The following PRSS38 variants were observed in gnomAD, a reference collection of about 807,000 sequenced individuals.
The protein encoded by PRSS38 is marapsin 2.
In PRSS38, 22 loss-of-function variants were observed where a neutral mutation model predicts 26.8. The observed-to-expected ratio is 0.82, with a 90% CI of 0.59 to 1.17. The LOEUF (loss-of-function observed/expected upper bound fraction) is 1.17, where lower values mean the gene tolerates loss of function less well. PRSS38 is among the 50% of genes most tolerant of loss of function. The pLI, the probability that PRSS38 is intolerant of heterozygous loss-of-function variation, is 0.00. For missense variants in PRSS38, 427 were observed against 422.7 expected, an observed-to-expected ratio of 1.01 and a Z score of -0.09; for synonymous variants, 175 against 172.1, an observed-to-expected ratio of 1.02 and a Z score of -0.13.
In PRSS38 at chr1:227,816,199, C is replaced by A. The variant is rs775851463; in HGVS notation, c.258C>A (p.Gly86=). ...ACTACGCAGGCCTCCACGTCTGCGG[C>A]GGCTCCATCCTCAATGAGTACTGGG... Residue 86 remains glycine (G), a synonymous_variant, in exon 2 of 5, where the codon GGC becomes GGA. Transcript: ENST00000366757. This position sits in a 1 kb window ranked among gnomAD's most constrained non-coding sequence, Gnocchi z 5.1. The A allele has an allele frequency of 2.5e-6, 4 of 1,613,520 alleles. No individual in the cohort carries two copies. Among genetic ancestry groups the A allele is most frequent in the Non-Finnish European group, 2.5e-6 (3 of 1,179,832 alleles).
rs1387059586 is a variant in PRSS38, at chr1:227,834,821, T to C, written c.584-10649T>C. Among the ~76,000 whole-genome samples the C allele has an allele frequency of 2.0e-5, 3 of 152,180 alleles. No individual in the cohort carries two copies. In the East Asian group the frequency reaches 5.8e-4, roughly 29 times the overall value. ...CTCCAGCCTAGGTAGGTAACAGACC[T>C]AAATTGTCTCAAAAAAAATTGATAA... On this transcript the variant is annotated intron_variant, in intron 3 of 4. Transcript: ENST00000366757.
chr1:227,840,618 C>T (rs1665323844), intron 3 of PRSS38, among the ~76,000 whole-genome samples: 1 of 152,182 alleles, frequency 6.6e-6, no homozygotes. Context: ...GCTGAGATGG[C>T]CTGCAGAGCC....
At chr1:227,817,069 G>T in intron 2 of PRSS38, 140 bp from the exon 3 acceptor site, 1 of 894,394 alleles carries the variant, frequency 1.1e-6, no homozygotes, top group Non-Finnish European at 1.7e-6. Flanking sequence ...AGCCAGATAG[G>T]TCCCTACTAT....
At chr1:227,826,829 T>C (rs767628572) in intron 3 of PRSS38, among the ~76,000 whole-genome samples, 76 of 152,350 alleles carry the variant, frequency 5.0e-4, no homozygotes, top group Non-Finnish European at 8.8e-4. Flanking sequence ...GTTTGTCATA[T>C]ATGGCTCTTA....
intron 3 of PRSS38, among the ~76,000 whole-genome samples, chr1:227,820,150 C>A (rs1183815301): frequency 2.0e-5 from 3 of 147,270 alleles, no homozygotes; most frequent in African/African-American, 5.0e-5. Flanking sequence ...TGGCCTTATA[C>A]CCTGCAACTT....
intron 3 of PRSS38, among the ~76,000 whole-genome samples, chr1:227,843,230 G>C (rs1361626413): frequency 6.6e-6 from 1 of 152,198 alleles, no homozygotes; most frequent in East Asian, 1.9e-4. Context: ...CGATGCTCCA[G>C]TCAAGGCCAG....
chr1:227,844,486 C>T (rs898588577), intron 3 of PRSS38, among the ~76,000 whole-genome samples: 2 of 151,748 alleles, frequency 1.3e-5, no homozygotes, highest in Non-Finnish European at 2.9e-5. Flanking sequence ...TGGTGGGACT[C>T]CTCCCTATGT....
chr1:227,829,624 A>G (rs1665123004), intron 3 of PRSS38, among the ~76,000 whole-genome samples: 1 of 152,260 alleles, frequency 6.6e-6, no homozygotes, highest in South Asian at 2.1e-4. Flanking sequence ...CAGTTTTCTC[A>G]ATTTCATTTT....
chr1:227,817,127 C>A, intron 2 of PRSS38, 82 bp from the exon 3 acceptor site: 2 of 1,428,482 alleles, frequency 1.4e-6, no homozygotes, highest in Non-Finnish European at 1.9e-6. Flanking sequence ...GAGTGCCAGC[C>A]CCTTGCGCTT....
chr1:227,845,501 G>T, exon 4 of PRSS38: 2 of 1,612,628 alleles, frequency 1.2e-6, no homozygotes, highest in Non-Finnish European at 1.7e-6. Context: ...AGGAGATGCA[G>T]CTCCCGCTGA....
At chr1:227,846,042 C>G (rs1558239588) in exon 5 of PRSS38, 1 of 1,614,234 alleles carries the variant, frequency 6.2e-7, no homozygotes, top group Non-Finnish European at 8.5e-7. Context: ...TGCTCCAACC[C>G]TCTGTACCCT....
intron 3 of PRSS38, among the ~76,000 whole-genome samples, chr1:227,825,688 T>TA (rs1665064663): frequency 6.6e-6 from 1 of 152,192 alleles, no homozygotes; most frequent in Non-Finnish European, 1.5e-5. Context: ...CAGATGATTG[T>TA]AGGTGTGCAG....
chr1:227,815,924 G>A (rs954801756), intron 1 of PRSS38, 60 bp downstream of exon 1: 42 of 1,540,970 alleles, frequency 2.7e-5, no homozygotes, highest in East Asian at 1.6e-4. Flanking sequence ...GGCGTCTGTC[G>A]GTGCTGGGCC....
Position 227,816,017 on chromosome 1 carries a change from C to T in PRSS38, c.149-73C>T, listed in dbSNP as rs1664906916. ...TCCTCCTGTGTCCCCTGCCCCTCCC[C>T]CACGTCCCCTGCCTGCCCTACCTCT... On this transcript the variant is annotated intron_variant, in intron 1 of 4. Transcript: ENST00000366757. The surrounding 1 kb of genome is among the most constrained non-coding windows in gnomAD (Gnocchi z 5.1). The T allele has an allele frequency of 2.6e-6, 4 of 1,546,902 alleles. No individual in the cohort carries two copies. In the East Asian group the frequency reaches 6.8e-5, roughly 26 times the overall value.
At chr1:227,841,466 G>A (rs961310817) in intron 3 of PRSS38, among the ~76,000 whole-genome samples, 2 of 152,246 alleles carry the variant, frequency 1.3e-5, no homozygotes, top group Non-Finnish European at 2.9e-5. Flanking sequence ...CGGGGAAGGG[G>A]ACCCACTAGT....
At chr1:227,838,600 T>G (rs1266867870) in intron 3 of PRSS38, among the ~76,000 whole-genome samples, 3 of 152,246 alleles carry the variant, frequency 2.0e-5, no homozygotes, top group Non-Finnish European at 4.4e-5. Flanking sequence ...ATTCGTCTCC[T>G]TGGCTACTTC....
At chr1:227,822,447 A>G (rs1665016614) in intron 3 of PRSS38, among the ~76,000 whole-genome samples, 1 of 152,192 alleles carries the variant, frequency 6.6e-6, no homozygotes, top group African/African-American at 2.4e-5. Flanking sequence ...TTGAATATAT[A>G]ATGAATGTTA....
chr1:227,839,967 T>C (rs1665294312), intron 3 of PRSS38, among the ~76,000 whole-genome samples: 1 of 152,110 alleles, frequency 6.6e-6, no homozygotes, highest in African/African-American at 2.4e-5. Context: ...AATATTTTGC[T>C]AGCTAGAAAG....
In PRSS38 at chr1:227,830,661, T is replaced by A. The variant is rs1023551811; in HGVS notation, c.583+13181T>A. On this transcript the variant is annotated intron_variant, in intron 3 of 4. Transcript: ENST00000366757. ...CGCCCACCACCAAGCCCTGCTAATT[T>A]TTATTATTATTATTATTATTTTTAG... is the stretch of plus-strand genomic sequence containing the variant. Among the ~76,000 whole-genome samples, 51 of 151,112 alleles carry A rather than the reference T, an allele frequency of 3.4e-4. 1 individual carries two copies. Among genetic ancestry groups the A allele is most frequent in the Admixed American group, 9.9e-4 (15 of 15,168 alleles).
Sources: gnomAD v4.1 joint callset for allele counts (sites outside exome capture counted in the v4.1 genomes callset) on GRCh38, gnomAD v4.1.1 for gene constraint, Gnocchi (gnomAD v3.1) non-coding constraint, MANE v1.5 for transcripts, NCBI Gene and HGNC (gene_info 2026-07-23, HGNC 2026-07-21) for gene names.